The following CELSR1 variants were observed in gnomAD, a reference collection of about 807,000 sequenced individuals.
The protein encoded by CELSR1 is cadherin EGF LAG seven-pass G-type receptor 1.
CELSR1 carries 110 observed loss-of-function variants against 249.1 expected under a neutral mutation model. The ratio of observed to expected loss-of-function variants is 0.44; its 90% confidence interval spans 0.38 to 0.52. CELSR1 has a LOEUF of 0.52. Ranked by LOEUF, CELSR1 falls within the 20% of genes least tolerant of loss-of-function variation. CELSR1 has a pLI of 0.00. For missense variants in CELSR1, 4,109 were observed against 4,296.4 expected (o/e 0.96, Z 1.22); for synonymous variants, 2,113 against 1,900.0 (o/e 1.11, Z -2.92).
chr22:46,460,079 A>G (rs896920678), intron 2 of CELSR1, among the ~76,000 whole-genome samples: 1 of 152,084 alleles, frequency 6.6e-6, no homozygotes, highest in African/African-American at 2.4e-5. Context: ...GTGGTGATGC[A>G]TGCCTGTAGT....
intron 1 of CELSR1, among the ~76,000 whole-genome samples, chr22:46,470,862 C>A (rs1443458645): frequency 3.9e-5 from 6 of 152,136 alleles, no homozygotes; most frequent in Admixed American, 3.9e-4. Context: ...CAGTGGCTCA[C>A]ACCTGTAATC....
intron 33 of CELSR1, 45 bp from the exon 34 acceptor site, chr22:46,364,296 C>A: frequency 1.9e-6 from 3 of 1,591,892 alleles, no homozygotes; most frequent in Non-Finnish European, 2.6e-6. Flanking sequence ...GTGATGCTGC[C>A]GGGGGCAGCT....
At chr22:46,494,952 A>C (rs2147711023) in intron 1 of CELSR1, among the ~76,000 whole-genome samples, 1 of 152,374 alleles carries the variant, frequency 6.6e-6, no homozygotes, top group Non-Finnish European at 1.5e-5. Flanking sequence ...TTTTAAAAAC[A>C]GTACAATCGT....
At chr22:46,478,711 A>ATT (rs33954873) in intron 1 of CELSR1, among the ~76,000 whole-genome samples, 1 of 150,402 alleles carries the variant, frequency 6.6e-6, no homozygotes, top group Non-Finnish European at 1.5e-5. Flanking sequence ...CCCAGCTAAA[A>ATT]TTTTTTTTTT....
rs1455263716 is a variant in CELSR1, at chr22:46,411,145, G to A, written c.4769+457C>T. 1.3e-5 allele frequency among the ~76,000 whole-genome samples: 2 copies of A among 152,162 alleles called. No homozygotes were observed. The highest frequency in any genetic ancestry group is 2.1e-4 in the South Asian group (1 of 4,820). Reference sequence around the variant, plus strand: ...GTCCAGGAGGTCAAGGCTTCAGTGAGCTAGAATCGTGCCACTGCACTCCAG... The same window carrying A: ...GTCCAGGAGGTCAAGGCTTCAGTGAACTAGAATCGTGCCACTGCACTCCAG... On this transcript the variant is annotated intron_variant, in intron 6 of 34. Transcript: ENST00000674500. The surrounding 1 kb of genome is among the most constrained non-coding windows in gnomAD (Gnocchi z 4.2).
intron 9 of CELSR1, among the ~76,000 whole-genome samples, chr22:46,405,941 TG>T (rs777027230): frequency 7.2e-5 from 11 of 152,136 alleles, no homozygotes; most frequent in Non-Finnish European, 1.6e-4. Context: ...GGGTGCCCAG[TG>T]GGGTCTGCAG....
At chr22:46,524,899 T>A (rs1181606182) in intron 1 of CELSR1, among the ~76,000 whole-genome samples, 1 of 152,086 alleles carries the variant, frequency 6.6e-6, no homozygotes, top group Admixed American at 6.6e-5. Flanking sequence ...GTACCCCAAG[T>A]AAAGGCACTG....
rs756016057 is a variant in CELSR1, at chr22:46,380,415, G to C, written c.7256+373C>G. On this transcript the variant is annotated intron_variant, in intron 22 of 34. Coordinates refer to ENST00000674500, the MANE Select transcript of CELSR1 (RefSeq NM_001378328.1). This position sits in a 1 kb window ranked among gnomAD's most constrained non-coding sequence, Gnocchi z 5.1. ...AGTCTCTGGGTTCTGTCTCCCGTGT[G>C]TGACCGGAATGGGCCTGTCTTATCC... Among the ~76,000 whole-genome samples the C allele has an allele frequency of 3.9e-5, 6 of 152,210 alleles. No homozygotes were observed. The highest frequency in any genetic ancestry group is 3.9e-4 in the Admixed American group (6 of 15,290).
chr22:46,431,552 T>G (rs866551602), intron 5 of CELSR1, among the ~76,000 whole-genome samples: 9 of 152,208 alleles, frequency 5.9e-5, no homozygotes, highest in South Asian at 2.1e-4. Flanking sequence ...CAGGGTCCCC[T>G]GTGGCCCAGC....
intron 1 of CELSR1, chr22:46,481,273 C>T (rs1253627482): frequency 2.5e-5 from 11 of 435,342 alleles, no homozygotes; most frequent in Non-Finnish European, 4.2e-5. Flanking sequence ...TTCCCAATTC[C>T]TTATAAAAAA....
At position 46,472,033 on chromosome 22, in the gene CELSR1, C is replaced by T. The variant is rs913400407; in HGVS notation, c.3545-7688G>A. Among the ~76,000 whole-genome samples, 6 of 152,182 alleles carry T rather than the reference C, an allele frequency of 3.9e-5. No individual in the cohort carries two copies. Among genetic ancestry groups the T allele is most frequent in the African/African-American group, 1.2e-4 (5 of 41,444 alleles). On this transcript the variant is annotated intron_variant, in intron 1 of 34. Transcript: ENST00000674500. This position sits in a 1 kb window ranked among gnomAD's most constrained non-coding sequence, Gnocchi z 7.0. ...GCACCCACCCAGCACTCTCTCTGCCCGTGCTCCAGGCATTCCTCCCAGGCC... is the reference window on the plus strand; with the variant it reads ...GCACCCACCCAGCACTCTCTCTGCCTGTGCTCCAGGCATTCCTCCCAGGCC...
rs897625921 is a variant in CELSR1 at position 46,484,813 on chromosome 22, C to T, written c.3545-20468G>A. ...AGGAACAAGGATATCATCCTTGTTA[C>T]TTCCAGGGACGCCTCCCTCCAATTT... On this transcript the variant is annotated intron_variant, in intron 1 of 34. Transcript: ENST00000674500. This position sits in a 1 kb window ranked among gnomAD's most constrained non-coding sequence, Gnocchi z 4.5. 1.3e-5 allele frequency among the ~76,000 whole-genome samples: 2 copies of T among 148,578 alleles called. No homozygotes were observed. Among genetic ancestry groups the T allele is most frequent in the Admixed American group, 6.9e-5 (1 of 14,576 alleles).
At chr22:46,481,287 A>G in intron 1 of CELSR1, 1 of 514,960 alleles carries the variant, frequency 1.9e-6, no homozygotes, top group East Asian at 3.1e-5. Context: ...TAAAAAATAC[A>G]TTATTGCCCT....
chr22:46,435,941 C>T (rs1287367122), intron 4 of CELSR1, among the ~76,000 whole-genome samples: 1 of 151,438 alleles, frequency 6.6e-6, no homozygotes, highest in East Asian at 2.0e-4. Context: ...CCTTGTGATT[C>T]ACCCACCTCG....
rs2079562364 is a variant in CELSR1 at position 46,428,704 on chromosome 22, G to A, written c.4611+4689C>T. Among the ~76,000 whole-genome samples the A allele has an allele frequency of 6.6e-6, 1 of 152,200 alleles. No homozygotes were observed. Among genetic ancestry groups the A allele is most frequent in the African/African-American group, 2.4e-5 (1 of 41,440 alleles). On this transcript the variant is annotated intron_variant, in intron 5 of 34. Coordinates refer to ENST00000674500, the MANE Select transcript of CELSR1 (RefSeq NM_001378328.1). This position sits in a 1 kb window ranked among gnomAD's most constrained non-coding sequence, Gnocchi z 5.7. The stretch of plus-strand genomic sequence containing the variant: ...CAGTGCCCAGGTGGGAAATCCTGAC[G>A]CGGCTGCTCACCGCCTCCCACATCT...
Position 46,490,867 on chromosome 22 carries a change from C to G in CELSR1, c.3545-26522G>C, listed in dbSNP as rs1021869681. ...CTGATCCTCCAGGCAGTCCAAATGGCCAGGTGTCATTTTCGCTGCTCTACA... is the reference window on the plus strand; with the variant it reads ...CTGATCCTCCAGGCAGTCCAAATGGGCAGGTGTCATTTTCGCTGCTCTACA... On this transcript the variant is annotated intron_variant, in intron 1 of 34. Transcript: ENST00000674500. This position sits in a 1 kb window ranked among gnomAD's most constrained non-coding sequence, Gnocchi z 5.2. Among the ~76,000 whole-genome samples the G allele has an allele frequency of 6.6e-6, 1 of 152,156 alleles. No homozygotes were observed. The highest frequency in any genetic ancestry group is 2.4e-5 in the African/African-American group (1 of 41,430).
intron 2 of CELSR1, among the ~76,000 whole-genome samples, chr22:46,461,589 T>G (rs5768786): frequency 0.76 from 116,164 of 152,194 alleles, 44,562 homozygotes; most frequent in East Asian, 0.94. Context: ...CCAGAGGTGG[T>G]GGGTGCTTGC....
intron 5 of CELSR1, among the ~76,000 whole-genome samples, chr22:46,415,077 C>T (rs2079384024): frequency 6.6e-6 from 1 of 152,222 alleles, no homozygotes; most frequent in Non-Finnish European, 1.5e-5. Flanking sequence ...GGCACATCCA[C>T]AGACACAGAG....
chr22:46,473,196 G>A lies in CELSR1; in HGVS notation c.3545-8851C>T, dbSNP rs879290275. On this transcript the variant is annotated intron_variant, in intron 1 of 34. Transcript: ENST00000674500. This position sits in a 1 kb window ranked among gnomAD's most constrained non-coding sequence, Gnocchi z 6.6. ...GACCCACGCACCACGAGGAACCATC[G>A]CTGGCCCTTGACAGGTGAGGACACC... is the stretch of plus-strand genomic sequence containing the variant. Among the ~76,000 whole-genome samples, 4 of 152,136 alleles carry A rather than the reference G, an allele frequency of 2.6e-5. No individual in the cohort carries two copies. The highest frequency in any genetic ancestry group is 2.9e-5 in the Non-Finnish European group (2 of 68,030).
Sources: gnomAD v4.1 joint callset for allele counts (sites outside exome capture counted in the v4.1 genomes callset) on GRCh38, gnomAD v4.1.1 for gene constraint, Gnocchi (gnomAD v3.1) non-coding constraint, MANE v1.5 for transcripts, NCBI Gene and HGNC (gene_info 2026-07-23, HGNC 2026-07-21) for gene names.